Variants in CLDN7 observed in about 807,000 individuals in gnomAD.
CLDN7 encodes the protein claudin-7.
A neutral mutation model predicts 20.3 loss-of-function variants in CLDN7; 15 were observed. That is an observed-to-expected ratio of 0.74 (90% CI 0.49 to 1.14). CLDN7 has a LOEUF of 1.14. CLDN7 is among the 50% of genes most tolerant of loss of function. CLDN7 has a pLI of 0.00. For synonymous variants in CLDN7, 117 were observed against 106.1 expected, an observed-to-expected ratio of 1.10 and a Z score of -0.63; for missense variants, 261 against 274.2, an observed-to-expected ratio of 0.95 and a Z score of 0.34.
At chr17:7,261,730 G>T in intron 1 of CLDN7, 91 bp downstream of exon 1, 3 of 1,392,102 alleles carry the variant, frequency 2.2e-6, no homozygotes, top group Non-Finnish European at 9.8e-7. Flanking sequence ...GCAACCCAGG[G>T]CCCCCAGCCG....
Position 7,260,126 on chromosome 17 carries a change from G to A in CLDN7, c.*248C>T. The A allele has an allele frequency of 2.5e-6, 1 of 394,012 alleles. No individual in the cohort carries two copies. Among genetic ancestry groups the A allele is most frequent in the Admixed American group, 4.2e-5 (1 of 23,682 alleles). 24.4% of individuals were successfully genotyped at this position (394,012 alleles called of 1,614,324 possible). ...GGGAGGAAAGCAGAGGCCCTGAAGG[G>A]AAAAAAGCCTGCTTCCCAATACTTA... On this transcript the variant is annotated 3_prime_UTR_variant, in exon 4 of 4. Coordinates refer to ENST00000360325, the MANE Select transcript of CLDN7 (RefSeq NM_001307.6).
In CLDN7 at chr17:7,260,953, C is replaced by A; in HGVS notation, c.256G>T (p.Val86Phe). 2 of 1,613,432 alleles carry A rather than the reference C, an allele frequency of 1.2e-6. No individual in the cohort carries two copies. The highest frequency in any genetic ancestry group is 8.5e-7 in the Non-Finnish European group (1 of 1,179,982). Residue 86 changes from valine (V) to phenylalanine (F), a missense_variant, in exon 2 of 4, where the codon GTC becomes TTC. Around this residue, in one of 2 missense-constraint regions of CLDN7, gnomAD observed 215 missense variants for 199.6 expected, o/e 1.08. Coordinates refer to ENST00000360325, the MANE Select transcript of CLDN7 (RefSeq NM_001307.6). The stretch of plus-strand genomic sequence containing the variant: ...GCCAGGAAGCCCAGCACCAGGGAGA[C>A]CACCATTAGGGCTCGAGTGGCCTGC... ...ALQATRALMV[V>F]SLVLGFLAMF...
Position 7,262,339 on chromosome 17 carries a change from C to G in CLDN7, c.-296G>C. On this transcript the variant is annotated 5_prime_UTR_variant, in exon 1 of 4. Coordinates refer to ENST00000360325, the MANE Select transcript of CLDN7 (RefSeq NM_001307.6). This position sits in a 1 kb window ranked among gnomAD's most constrained non-coding sequence, Gnocchi z 6.6. Reference sequence around the variant, plus strand: ...GGCGGTTCCCTCCGGGCGCTCTCGGCGACCCTAGGCAAACAAAAGGTGGAG... The same window carrying G: ...GGCGGTTCCCTCCGGGCGCTCTCGGGGACCCTAGGCAAACAAAAGGTGGAG... 5.5e-6 allele frequency: 7 copies of G among 1,277,686 alleles called. No individual in the cohort carries two copies. The highest frequency in any genetic ancestry group is 7.0e-6 in the Non-Finnish European group (7 of 1,004,144). 79.1% of individuals were successfully genotyped at this position (1,277,686 alleles called of 1,614,324 possible). A position where few individuals can be genotyped will look rare whatever the true frequency, so the allele number is the denominator to read the frequency against.
At position 7,260,473 on chromosome 17, in the gene CLDN7, A is replaced by G. The variant is rs749255717; in HGVS notation, c.537T>C (p.Gly179=). The change falls in exon 4 of 4, where the codon GGT becomes GGC. Residue 179 remains glycine, a synonymous_variant. Transcript: ENST00000360325. ...WAGSALVILG[G]ALLSCSCPGN... is the part of the protein sequence containing the mutation. ...CAGGACAGGAACAGGAGAGCAGTGCACCTCCCAGGATGACTAGGGCAGACC... is the reference window on the plus strand; with the variant it reads ...CAGGACAGGAACAGGAGAGCAGTGCGCCTCCCAGGATGACTAGGGCAGACC... The G allele has an allele frequency of 1.2e-6, 2 of 1,612,082 alleles. No individual in the cohort carries two copies. Among genetic ancestry groups the G allele is most frequent in the East Asian group, 2.2e-5 (1 of 44,676 alleles).
chr17:7,261,698 T>G, intron 1 of CLDN7, 123 bp downstream of exon 1: 1 of 347,558 alleles, frequency 2.9e-6, no homozygotes, highest in Non-Finnish European at 4.7e-6. Context: ...AGCCGACCAC[T>G]TCCTCGCCCT....
At chr17:7,260,615 C>T in intron 3 of CLDN7, 27 bp downstream of exon 3, 1 of 1,613,984 alleles carries the variant, frequency 6.2e-7, no homozygotes, top group South Asian at 1.1e-5. Flanking sequence ...GACCTGTCCC[C>T]TTAGGAGGCA....
In CLDN7 at chr17:7,260,855, T is replaced by C; in HGVS notation, c.354A>G (p.Ile118Met). The part of the protein sequence containing the change: ...GGDDKVKKAR[I>M]AMGGGIIFIV... ...TGAAAATTATGCCTCCACCCATGGC[T>C]ATACGGGCCTTCTTCACTTTGTCGT... The change falls in exon 2 of 4, where the codon ATA (isoleucine) becomes ATG (methionine). Residue 118 changes from isoleucine to methionine, a missense_variant. Physicochemically the swap from Ile to Met is conservative, Grantham distance 10 (BLOSUM62 1). This residue lies in a region of CLDN7 where 215 missense variants were observed against 199.6 expected (regional missense o/e 1.08). Transcript: ENST00000360325. The C allele has an allele frequency of 1.9e-6, 3 of 1,614,246 alleles. No homozygotes were observed. Among genetic ancestry groups the C allele is most frequent in the Non-Finnish European group, 2.5e-6 (3 of 1,180,040 alleles).
chr17:7,260,452 A>G lies in CLDN7; in HGVS notation c.558T>C (p.Cys186=). The G allele has an allele frequency of 6.2e-7, 1 of 1,613,822 alleles. No individual in the cohort carries two copies. The highest frequency in any genetic ancestry group is 8.5e-7 in the Non-Finnish European group (1 of 1,179,892). ...ACCCAGCCTTGCTCTCATTCCCAGG[A>G]CAGGAACAGGAGAGCAGTGCACCTC... The part of the protein sequence containing the change: ...ILGGALLSCS[C]PGNESKAGYR... Residue 186 remains cysteine (C), a synonymous_variant, in exon 4 of 4, where the codon TGT becomes TGC. Coordinates refer to ENST00000360325, the MANE Select transcript of CLDN7 (RefSeq NM_001307.6).
chr17:7,261,666 C>G (rs1250852815), intron 1 of CLDN7, among the ~76,000 whole-genome samples, 155 bp downstream of exon 1: 1 of 150,292 alleles, frequency 6.7e-6, no homozygotes, highest in African/African-American at 2.4e-5. Context: ...CCGGCCCGCT[C>G]CCGCCCAGCC....
At chr17:7,262,721 G>A (rs1183046681), upstream of CLDN7, 1 of 152,306 alleles carries the variant, frequency 6.6e-6, no homozygotes, top group Non-Finnish European at 1.5e-5. The surrounding 1 kb of genome is among the most constrained non-coding windows in gnomAD (Gnocchi z 6.6). Flanking sequence ...CGCTGGGGAG[G>A]AGGCGGTGGC....
In CLDN7 at chr17:7,260,032, G is replaced by T. The variant is rs1457752302; in HGVS notation, c.*342C>A. ...TTTTAGTCAATTGTCAGTGGAGTCA[G>T]TGGGGTGCTAAGTGTTCTGAACTGA... On this transcript the variant is annotated 3_prime_UTR_variant, in exon 4 of 4. Transcript: ENST00000360325. The T allele has an allele frequency of 2.9e-6, 1 of 339,718 alleles. No individual in the cohort carries two copies. The highest frequency in any genetic ancestry group is 5.4e-6 in the Non-Finnish European group (1 of 186,582). 21.0% of individuals were successfully genotyped at this position (339,718 alleles called of 1,614,324 possible). A position where few individuals can be genotyped will look rare whatever the true frequency, so the allele number is the denominator to read the frequency against.
At chr17:7,263,125 G>A (rs540915520), upstream of CLDN7, 1 of 169,662 alleles carries the variant, frequency 5.9e-6, no homozygotes, top group Non-Finnish European at 1.5e-5. Flanking sequence ...ATGACTTACA[G>A]CCTGAACCCT....
At position 7,260,232 on chromosome 17, in the gene CLDN7, A is replaced by C; in HGVS notation, c.*142T>G. 11 of 533,230 alleles carry C rather than the reference A, an allele frequency of 2.1e-5. No homozygotes were observed. Among genetic ancestry groups the C allele is most frequent in the East Asian group, 4.7e-5 (1 of 21,430 alleles). The allele number at this position is 533,230 out of a possible 1,614,324, so 33.0% of individuals were successfully genotyped here. On this transcript the variant is annotated 3_prime_UTR_variant, in exon 4 of 4. Transcript: ENST00000360325. ...GGCACCCCCCCACCCCCAACCCAAG[A>C]GGACTATACATGGAGTGCAGGGACA...
upstream of CLDN7, chr17:7,262,847 G>T (rs1411985760): frequency 6.6e-6 from 1 of 152,010 alleles, no homozygotes; most frequent in Non-Finnish European, 1.5e-5. This position sits in a 1 kb window ranked among gnomAD's most constrained non-coding sequence, Gnocchi z 6.6. Flanking sequence ...GGGCGCCCCT[G>T]ACAAGCCTCG....
In CLDN7 at chr17:7,262,213, A is replaced by C; in HGVS notation, c.-170T>G. On this transcript the variant is annotated 5_prime_UTR_variant, in exon 1 of 4. Coordinates refer to ENST00000360325, the MANE Select transcript of CLDN7 (RefSeq NM_001307.6). The surrounding 1 kb of genome is among the most constrained non-coding windows in gnomAD (Gnocchi z 6.6). ...AATGCAAATCTTGTCACCAAACTACACACAAATCGACCCCTCCAGTGAAGC... is the reference window on the plus strand; with the variant it reads ...AATGCAAATCTTGTCACCAAACTACCCACAAATCGACCCCTCCAGTGAAGC... 2 of 1,436,738 alleles carry C rather than the reference A, an allele frequency of 1.4e-6. No homozygotes were observed. The highest frequency in any genetic ancestry group is 9.1e-7 in the Non-Finnish European group (1 of 1,101,124). 89.0% of individuals were successfully genotyped at this position (1,436,738 alleles called of 1,614,324 possible). A position where few individuals can be genotyped will look rare whatever the true frequency, so the allele number is the denominator to read the frequency against.
At chr17:7,261,696 A>T in intron 1 of CLDN7, 125 bp downstream of exon 1, 1 of 329,296 alleles carries the variant, frequency 3.0e-6, no homozygotes, top group Non-Finnish European at 5.0e-6. Flanking sequence ...CCAGCCGACC[A>T]CTTCCTCGCC....
intron 1 of CLDN7, 134 bp downstream of exon 1, chr17:7,261,687 C>CCCCCCCCCCCAA: frequency 1.2e-6 from 1 of 805,946 alleles, no homozygotes. Context: ...CCGCCGCCCC[C>CCCCCCCCCCCAA]AGCCGACCAC....
chr17:7,260,388 T>G lies in CLDN7; in HGVS notation c.622A>C (p.Lys208Gln). 1 of 1,609,862 alleles carries G rather than the reference T, an allele frequency of 6.2e-7. No homozygotes were observed. The highest frequency in any genetic ancestry group is 8.5e-7 in the Non-Finnish European group (1 of 1,177,682). ...PRSYPKSNSS[K>Q]EYV is the part of the protein sequence containing the mutation. Reference sequence around the variant, plus strand: ...GAGATCCCAGGTCACACATACTCCTTGGAAGAGTTGGACTTAGGGTAAGAG... The same window carrying G: ...GAGATCCCAGGTCACACATACTCCTGGGAAGAGTTGGACTTAGGGTAAGAG... The change falls in exon 4 of 4, where the codon AAG becomes CAG. Residue 208 changes from lysine to glutamine, a missense_variant. Coordinates refer to ENST00000360325, the MANE Select transcript of CLDN7 (RefSeq NM_001307.6).
At chr17:7,261,672 C>G in intron 1 of CLDN7, 149 bp downstream of exon 1, 1 of 614,870 alleles carries the variant, frequency 1.6e-6, no homozygotes. Context: ...CGCTCCCGCC[C>G]AGCCCCGCCG....
Sources: allele counts gnomAD v4.1 joint callset (sites outside exome capture counted in the v4.1 genomes callset), GRCh38; gene constraint gnomAD v4.1.1; regional missense constraint gnomAD v4.1.1; non-coding constraint Gnocchi (gnomAD v3.1); transcripts MANE v1.5; gene names NCBI Gene and HGNC (gene_info 2026-07-23, HGNC 2026-07-21).